The following CCSER1 variants were observed in gnomAD, a reference collection of about 807,000 sequenced individuals.
CCSER1 encodes coiled-coil serine rich protein 1.
CCSER1 carries 41 observed loss-of-function variants against 82.0 expected under a neutral mutation model. That is an observed-to-expected ratio of 0.50 (90% confidence interval 0.39 to 0.65). The LOEUF is 0.65. Among genes scored for constraint, CCSER1 ranks in the 30% least tolerant of loss-of-function variants. The pLI, the probability that CCSER1 is intolerant of heterozygous loss-of-function variation, is 0.00. For missense variants in CCSER1, 1,119 were observed against 1,064.2 expected (o/e 1.05, Z -0.72); for synonymous variants, 414 against 383.9 (o/e 1.08, Z -0.92).
At position 90,552,560 on chromosome 4, in the gene CCSER1, C is replaced by A. The variant is rs149324084; in HGVS notation, c.1725-75465C>A. ...GCAACCTCCACTTCCCGGGCTCAAG[C>A]GATTCTCCCACCTCAGCCTCCCATG... On this transcript the variant is annotated intron_variant, in intron 5 of 10. Coordinates refer to ENST00000509176, the MANE Select transcript of CCSER1 (RefSeq NM_001145065.2). 7.5e-3 allele frequency among the ~76,000 whole-genome samples: 1,143 copies of A among 151,668 alleles called. 8 individuals are homozygous for A. The highest frequency in any genetic ancestry group is 0.031 in the Middle Eastern group (9 of 292).
At chr4:91,196,288 A>G (rs1312419908) in intron 10 of CCSER1, among the ~76,000 whole-genome samples, 2 of 152,180 alleles carry the variant, frequency 1.3e-5, no homozygotes, top group African/African-American at 4.8e-5. Flanking sequence ...TGAATGTTCC[A>G]ATTTTCTAAA....
intron 10 of CCSER1, among the ~76,000 whole-genome samples, chr4:91,132,185 T>C (rs1728056492): frequency 6.6e-6 from 1 of 152,084 alleles, no homozygotes; most frequent in Non-Finnish European, 1.5e-5. Flanking sequence ...ATTGGCTTGT[T>C]GTTCTATTAA....
intron 3 of CCSER1, among the ~76,000 whole-genome samples, chr4:90,385,773 C>T (rs1749947027): frequency 6.6e-6 from 1 of 151,826 alleles, no homozygotes; most frequent in African/African-American, 2.4e-5. Context: ...ATTTCTTGGC[C>T]ATTTGTATAT....
intron 1 of CCSER1, among the ~76,000 whole-genome samples, chr4:90,166,314 A>C (rs1357373701): frequency 6.6e-6 from 1 of 151,922 alleles, no homozygotes; most frequent in Non-Finnish European, 1.5e-5. Flanking sequence ...GATATTTTCA[A>C]CTTAATGGTG....
intron 10 of CCSER1, among the ~76,000 whole-genome samples, chr4:91,444,740 AC>A (rs1424210469): frequency 1.3e-5 from 2 of 152,204 alleles, no homozygotes; most frequent in Admixed American, 6.5e-5. Flanking sequence ...GTTAACCACC[AC>A]ACCCAGCCTC....
At chr4:90,483,854 G>A (rs1766513763) in intron 5 of CCSER1, among the ~76,000 whole-genome samples, 2 of 152,034 alleles carry the variant, frequency 1.3e-5, no homozygotes, top group Non-Finnish European at 2.9e-5. Context: ...ATGTATCTTG[G>A]AGTTGCTCTT....
At chr4:90,446,294 A>T (rs758962726) in intron 4 of CCSER1, among the ~76,000 whole-genome samples, 1 of 152,160 alleles carries the variant, frequency 6.6e-6, no homozygotes, top group East Asian at 1.9e-4. Context: ...GAGATAATTG[A>T]ATATTTTATT....
chr4:90,422,974 G>T (rs1001415998), intron 4 of CCSER1, among the ~76,000 whole-genome samples: 2 of 152,060 alleles, frequency 1.3e-5, no homozygotes, highest in Admixed American at 1.3e-4. Flanking sequence ...ATGATGACTT[G>T]GGAAGTCTCT....
At chr4:91,179,982 G>A (rs1385186652) in intron 10 of CCSER1, among the ~76,000 whole-genome samples, 1 of 152,130 alleles carries the variant, frequency 6.6e-6, no homozygotes, top group Non-Finnish European at 1.5e-5. Context: ...GTACAGATGG[G>A]GTTTTGGTGT....
At chr4:91,170,023 C>A (rs560053569) in intron 10 of CCSER1, among the ~76,000 whole-genome samples, 1 of 152,270 alleles carries the variant, frequency 6.6e-6, no homozygotes, top group South Asian at 2.1e-4. Flanking sequence ...ACTGACTGAC[C>A]TGTGTCCTTT....
intron 10 of CCSER1, among the ~76,000 whole-genome samples, chr4:91,160,484 G>C (rs901343618): frequency 1.3e-5 from 2 of 152,138 alleles, no homozygotes; most frequent in Non-Finnish European, 2.9e-5. Flanking sequence ...GTCTTCTACA[G>C]TGGTTGAACT....
At chr4:91,074,662 A>C (rs1201524422) in intron 9 of CCSER1, among the ~76,000 whole-genome samples, 1 of 152,240 alleles carries the variant, frequency 6.6e-6, no homozygotes, top group Non-Finnish European at 1.5e-5. Flanking sequence ...TTATAAATTA[A>C]GTTCCCTGGC....
chr4:91,437,472 A>G (rs1754735709), intron 10 of CCSER1, among the ~76,000 whole-genome samples: 1 of 152,176 alleles, frequency 6.6e-6, no homozygotes, highest in South Asian at 2.1e-4. Context: ...CTCAGAATGG[A>G]TGTTTAAAAT....
At chr4:90,278,986 G>A (rs575918409) in intron 1 of CCSER1, among the ~76,000 whole-genome samples, 29 of 152,134 alleles carry the variant, frequency 1.9e-4, no homozygotes, top group African/African-American at 7.0e-4. Flanking sequence ...GAAAGTCCAG[G>A]TTATGGTGGA....
chr4:91,226,732 G>T (rs539481675), intron 10 of CCSER1, among the ~76,000 whole-genome samples: 1 of 151,842 alleles, frequency 6.6e-6, no homozygotes, highest in African/African-American at 2.4e-5. Flanking sequence ...TTTTCTTAGG[G>T]TGGGGTTGTT....
intron 6 of CCSER1, 81 bp from the exon 7 acceptor site, chr4:90,723,832 AT>A (rs1219646642): frequency 1.8e-6 from 1 of 563,902 alleles, no homozygotes; most frequent in Non-Finnish European, 3.0e-6. Context: ...TATTTTAATG[AT>A]TTATTTATTT....
intron 10 of CCSER1, among the ~76,000 whole-genome samples, chr4:91,475,726 G>A (rs1757555212): frequency 6.6e-6 from 1 of 151,658 alleles, no homozygotes; most frequent in African/African-American, 2.4e-5. Context: ...TCATCCTACT[G>A]TGCTACCAGA....
chr4:90,166,966 GTT>G (rs1400353968), intron 1 of CCSER1, among the ~76,000 whole-genome samples: 15 of 151,954 alleles, frequency 9.9e-5, no homozygotes, highest in Non-Finnish European at 1.9e-4. Flanking sequence ...ATAATTGCTT[GTT>G]GGAAGTATCA....
intron 1 of CCSER1, among the ~76,000 whole-genome samples, chr4:90,154,781 T>G (rs1471606326): frequency 1.3e-5 from 2 of 149,440 alleles, no homozygotes; most frequent in Non-Finnish European, 3.0e-5. Flanking sequence ...GATTTTGGGC[T>G]GAGACAATGG....
Sources: gnomAD v4.1 joint callset for allele counts (sites outside exome capture counted in the v4.1 genomes callset) on GRCh38, gnomAD v4.1.1 for gene constraint, MANE v1.5 for transcripts, NCBI Gene and HGNC (gene_info 2026-07-23, HGNC 2026-07-21) for gene names.